SAC3D1: variants seen among roughly 807,000 people sequenced by gnomAD.
The protein encoded by SAC3D1 is SAC3 domain-containing protein 1.
In SAC3D1, 10 loss-of-function variants were observed where a neutral mutation model predicts 12.7. The observed-to-expected ratio is 0.79, with a 90% CI of 0.49 to 1.34. The LOEUF (loss-of-function observed/expected upper bound fraction) is 1.34, where lower values mean the gene tolerates loss of function less well. SAC3D1 is among the 40% of genes most tolerant of loss of function. SAC3D1 has a pLI of 0.00. For missense variants in SAC3D1, 482 were observed against 531.1 expected, an observed-to-expected ratio of 0.91 and a Z score of 0.91; for synonymous variants, 241 against 250.8, an observed-to-expected ratio of 0.96 and a Z score of 0.37.
intron 1 of SAC3D1, chr11:65,043,067 G>C (rs1946639318): frequency 2.2e-6 from 1 of 448,110 alleles, no homozygotes; most frequent in Admixed American, 2.4e-5. Context: ...CTGGGCTCAA[G>C]TGATCCTCCT....
At chr11:65,043,479 T>C (rs1352647080) in intron 1 of SAC3D1, among the ~76,000 whole-genome samples, 1 of 151,438 alleles carries the variant, frequency 6.6e-6, no homozygotes, top group Non-Finnish European at 1.5e-5. Flanking sequence ...ATTAGCTGGG[T>C]GTGGTGGTGC....
At chr11:65,042,449 AAC>A (rs1946626878) in intron 1 of SAC3D1, among the ~76,000 whole-genome samples, 1 of 151,752 alleles carries the variant, frequency 6.6e-6, no homozygotes, top group African/African-American at 2.4e-5. Flanking sequence ...AGCAAACAAG[AAC>A]ACATATGCCC....
At chr11:65,042,934 C>G in intron 1 of SAC3D1, 1 of 337,246 alleles carries the variant, frequency 3.0e-6, no homozygotes, top group Non-Finnish European at 6.0e-6. Context: ...CTCGTGGGCT[C>G]AAGGGATCCT....
intron 1 of SAC3D1, among the ~76,000 whole-genome samples, chr11:65,043,321 C>A (rs1412936171): frequency 6.6e-6 from 1 of 151,924 alleles, no homozygotes; most frequent in Non-Finnish European, 1.5e-5. Flanking sequence ...GGATTGGAGT[C>A]TTGCCATGTT....
Position 65,041,540 on chromosome 11 carries a change from C to A in SAC3D1, c.248C>A (p.Ala83Asp). 6.8e-7 allele frequency: 1 copy of A among 1,472,708 alleles called. No homozygotes were observed. Among genetic ancestry groups the A allele is most frequent in the East Asian group, 2.9e-5 (1 of 34,378 alleles). The allele number at this position is 1,472,708 out of a possible 1,614,324, so 91.2% of individuals were successfully genotyped here. Residue 83 changes from alanine (A) to aspartate (D), a missense_variant, in exon 1 of 2, where the codon GCC (alanine) becomes GAC (aspartate). Transcript: ENST00000652489. ...CTGCTGGCCACCGTGCGCTACCTGGCCGGTGAGGTGGCGGAGAGCGCCGAC... is the reference window on the plus strand; with the variant it reads ...CTGCTGGCCACCGTGCGCTACCTGGACGGTGAGGTGGCGGAGAGCGCCGAC... ...SVLLATVRYL[A>D]GEVAESADIA...
At chr11:65,042,293 C>T (rs1184070826) in intron 1 of SAC3D1, among the ~76,000 whole-genome samples, 3 of 152,020 alleles carry the variant, frequency 2.0e-5, no homozygotes, top group Non-Finnish European at 4.4e-5. Context: ...ACGGGGGTTT[C>T]ACCATGTTGG....
chr11:65,043,959 G>T (rs1237490868), intron 1 of SAC3D1, among the ~76,000 whole-genome samples: 1 of 152,172 alleles, frequency 6.6e-6, no homozygotes, highest in Admixed American at 6.5e-5. Flanking sequence ...AATTATCTGG[G>T]CCAGCTTCCC....
Position 65,041,511 on chromosome 11 carries a change from C to G in SAC3D1, c.219C>G (p.Ser73=). Residue 73 remains serine, a synonymous_variant, in exon 1 of 2, where the codon TCC becomes TCG. Coordinates refer to ENST00000652489, the MANE Select transcript of SAC3D1 (RefSeq NM_013299.4). ...CGCCCAGCCAGTTGCGTCCGCCCTC[C>G]GTGCTGCTGGCCACCGTGCGCTACC... ...RPPPSQLRPP[S]VLLATVRYLA... is the part of the protein sequence containing the mutation. 1.4e-6 allele frequency: 2 copies of G among 1,465,774 alleles called. No individual in the cohort carries two copies. Among genetic ancestry groups the G allele is most frequent in the Middle Eastern group, 2.2e-4 (1 of 4,620 alleles). The allele number at this position is 1,465,774 out of a possible 1,614,324, so 90.8% of individuals were successfully genotyped here.
chr11:65,041,325 C>T lies in SAC3D1; in HGVS notation c.33C>T (p.Cys11=). 1 of 1,510,676 alleles carries T rather than the reference C, an allele frequency of 6.6e-7. No homozygotes were observed. The highest frequency in any genetic ancestry group is 8.8e-7 in the Non-Finnish European group (1 of 1,136,982). 93.6% of individuals were successfully genotyped at this position (1,510,676 alleles called of 1,614,324 possible). The change falls in exon 1 of 2, where the codon TGC becomes TGT. Residue 11 remains cysteine, a synonymous_variant. Transcript: ENST00000652489. ...GCTGCGAGCTGCCCGTGGGCACCTG[C>T]CCGGACATGTGCCCGGCCGCCGAGC... MPGCELPVGT[C]PDMCPAAERA...
In SAC3D1 at chr11:65,044,673, G is replaced by A. The variant is rs1374997748; in HGVS notation, c.1023G>A (p.Val341=). The A allele has an allele frequency of 6.2e-7, 1 of 1,613,672 alleles. No individual in the cohort carries two copies. The highest frequency in any genetic ancestry group is 8.5e-7 in the Non-Finnish European group (1 of 1,180,008). Residue 341 remains valine, a synonymous_variant, in exon 2 of 2, where the codon GTG becomes GTA. Transcript: ENST00000652489. This position sits in a 1 kb window ranked among gnomAD's most constrained non-coding sequence, Gnocchi z 4.0. The part of the protein sequence containing the change: ...SKLRGRTLEE[V]VMAEEEDEGT... ...TTCGAGGACGTACCCTGGAGGAGGT[G>A]GTCATGGCAGAGGAGGAAGATGAGG...
In SAC3D1 at chr11:65,041,738, C is replaced by A; in HGVS notation, c.446C>A (p.Ala149Glu). ...RLGPDAARGP[A>E]DPVLLQAQVQ... ...GGGCCCGACGCGGCGCGGGGACCCG[C>A]GGACCCGGTGCTGCTGCAGGCCCAG... Residue 149 changes from alanine to glutamate, a missense_variant, in exon 1 of 2, where the codon GCG becomes GAG. Ala to Glu is a moderately radical substitution (Grantham distance 107). Around this residue, in one of 3 missense-constraint regions of SAC3D1, gnomAD observed 60 missense variants for 106.9 expected, o/e 0.56. Coordinates refer to ENST00000652489, the MANE Select transcript of SAC3D1 (RefSeq NM_013299.4). 7.6e-7 allele frequency: 1 copy of A among 1,310,140 alleles called. No individual in the cohort carries two copies. The highest frequency in any genetic ancestry group is 9.6e-7 in the Non-Finnish European group (1 of 1,037,044). 81.2% of individuals were successfully genotyped at this position (1,310,140 alleles called of 1,614,324 possible).
intron 1 of SAC3D1, among the ~76,000 whole-genome samples, chr11:65,043,780 C>G (rs565614468): frequency 2.0e-5 from 3 of 152,084 alleles, no homozygotes; most frequent in African/African-American, 7.2e-5. Context: ...GGCAGAGTCT[C>G]CTGAAGGAAG....
At chr11:65,041,175 A>T (rs10160811), upstream of SAC3D1, 26 of 1,014,090 alleles carry the variant, frequency 2.6e-5, no homozygotes, top group African/African-American at 4.1e-4. Context: ...GCGGGCCCAG[A>T]CAGGTTCAGC....
intron 1 of SAC3D1, among the ~76,000 whole-genome samples, chr11:65,043,496 G>A (rs563172686): frequency 7.8e-4 from 119 of 151,602 alleles, no homozygotes; most frequent in Admixed American, 1.3e-3. Context: ...GTGCATACCC[G>A]TAATCCCAGC....
Position 65,044,278 on chromosome 11 carries a change from T to C in SAC3D1, c.628T>C (p.Cys210Arg), listed in dbSNP as rs763382275. 6.2e-6 allele frequency: 10 copies of C among 1,613,004 alleles called. No individual in the cohort carries two copies. In the East Asian group the frequency reaches 2.2e-4, roughly 36 times the overall value. The change falls in exon 2 of 2, where the codon TGC becomes CGC. Residue 210 changes from cysteine to arginine, a missense_variant. Transcript: ENST00000652489. This position sits in a 1 kb window ranked among gnomAD's most constrained non-coding sequence, Gnocchi z 4.0. ...ACAGCTGCCTGCTGCCCTGCGCGCC[T>C]GCCCGCCCCTCCGCAAGGCCTTGGC... ...VLQLPAALRA[C>R]PPLRKALAVD...
Position 65,041,796 on chromosome 11 carries a change from C to T in SAC3D1, c.504C>T (p.Cys168=). 6.9e-7 allele frequency: 1 copy of T among 1,456,814 alleles called. No individual in the cohort carries two copies. Among genetic ancestry groups the T allele is most frequent in the Non-Finnish European group, 9.0e-7 (1 of 1,110,886 alleles). The allele number at this position is 1,456,814 out of a possible 1,614,324, so 90.2% of individuals were successfully genotyped here. A position where few individuals can be genotyped will look rare whatever the true frequency, so the allele number is the denominator to read the frequency against. The change falls in exon 1 of 2, where the codon TGC becomes TGT. Residue 168 remains cysteine, a synonymous_variant. Transcript: ENST00000652489. ...VQEGFGSLRR[C]YARGAGPHPR... is the part of the protein sequence containing the mutation. The stretch of plus-strand genomic sequence containing the variant: ...AGGGCTTCGGCTCGCTGCGGCGCTG[C>T]TACGCGCGGGGCGCCGGGCCGCACC...
At chr11:65,042,137 G>T (rs896231297) in intron 1 of SAC3D1, among the ~76,000 whole-genome samples, 1 of 151,686 alleles carries the variant, frequency 6.6e-6, no homozygotes, top group Admixed American at 6.6e-5. Flanking sequence ...TCGCTCTGTC[G>T]CCCAGGCTGG....
chr11:65,041,921 C>A (rs974022178), intron 1 of SAC3D1, 55 bp downstream of exon 1: 4 of 1,333,178 alleles, frequency 3.0e-6, no homozygotes, highest in Non-Finnish European at 3.8e-6. Flanking sequence ...CCCACCATGA[C>A]AGTGGAGGTA....
intron 1 of SAC3D1, among the ~76,000 whole-genome samples, chr11:65,043,625 A>C: frequency 7.1e-6 from 1 of 141,250 alleles, no homozygotes. Flanking sequence ...CAAAAAAAAA[A>C]AAAAAAAAAA....
Sources: allele counts gnomAD v4.1 joint callset (sites outside exome capture counted in the v4.1 genomes callset), GRCh38; gene constraint gnomAD v4.1.1; regional missense constraint gnomAD v4.1.1; non-coding constraint Gnocchi (gnomAD v3.1); transcripts MANE v1.5; gene names NCBI Gene and HGNC (gene_info 2026-07-23, HGNC 2026-07-21).